TFG: variants seen among roughly 807,000 people sequenced by gnomAD.
TFG encodes the protein protein TFG.
TFG carries 22 observed loss-of-function variants against 51.4 expected under a neutral mutation model. That is an observed-to-expected ratio of 0.43 (90% CI 0.31 to 0.61). The LOEUF (loss-of-function observed/expected upper bound fraction) is 0.61. Among genes scored for constraint, TFG ranks in the 20% least tolerant of loss-of-function variants. The pLI is 0.12. For missense variants in TFG, 419 were observed against 487.7 expected, an observed-to-expected ratio of 0.86 and a Z score of 1.33; for synonymous variants, 187 against 165.6, an observed-to-expected ratio of 1.13 and a Z score of -0.99.
chr3:100,729,774 G>A (rs1576367309), intron 4 of TFG, among the ~76,000 whole-genome samples: 2 of 152,130 alleles, frequency 1.3e-5, no homozygotes, highest in African/African-American at 4.8e-5. Context: ...TATTTTGGAA[G>A]TTTTTGTTTT....
At chr3:100,747,948 A>ACTCT (rs542402905) in intron 7 of TFG, among the ~76,000 whole-genome samples, 177 of 152,122 alleles carry the variant, frequency 1.2e-3, no homozygotes, top group Non-Finnish European at 2.2e-3. Context: ...TGTCTTAGAG[A>ACTCT]GTTTAAAAAA....
intron 3 of TFG, among the ~76,000 whole-genome samples, chr3:100,725,711 T>A (rs1472818926): frequency 6.6e-6 from 1 of 151,162 alleles, no homozygotes; most frequent in Non-Finnish European, 1.5e-5. Flanking sequence ...TGAGAATTGC[T>A]GAACCTGGGA....
intron 2 of TFG, among the ~76,000 whole-genome samples, chr3:100,717,548 A>G (rs1472571615): frequency 6.7e-6 from 1 of 149,396 alleles, no homozygotes; most frequent in East Asian, 1.9e-4. Context: ...ATGTCATTAC[A>G]TATGTATGCT....
intron 1 of TFG, among the ~76,000 whole-genome samples, chr3:100,713,350 G>A (rs1415255269): frequency 6.6e-6 from 1 of 152,168 alleles, no homozygotes; most frequent in Non-Finnish European, 1.5e-5. Context: ...AGGAGAGGCA[G>A]GTTTTAGGTG....
intron 2 of TFG, 146 bp from the exon 3 acceptor site, chr3:100,719,829 C>A (rs2095055852): frequency 3.9e-6 from 2 of 518,028 alleles, no homozygotes. Flanking sequence ...TTTTGCTAGA[C>A]CTTTAAAGTT....
intron 1 of TFG, chr3:100,710,009 C>G (rs1172728293): frequency 2.6e-5 from 4 of 151,880 alleles, no homozygotes; most frequent in Non-Finnish European, 5.9e-5. Context: ...GCCTGGGGGG[C>G]TCCGGGAGGG....
intron 3 of TFG, among the ~76,000 whole-genome samples, chr3:100,727,511 A>G (rs2095079372): frequency 6.6e-6 from 1 of 152,200 alleles, no homozygotes; most frequent in Non-Finnish European, 1.5e-5. Flanking sequence ...TATACTGGCA[A>G]TGTGCAAAGC....
At chr3:100,719,953 C>CTT (rs760798289) in intron 2 of TFG, 22 bp from the exon 3 acceptor site, 91 of 1,158,752 alleles carry the variant, frequency 7.9e-5, no homozygotes, top group South Asian at 1.6e-4. Flanking sequence ...AAAAAACAAC[C>CTT]TTTTTTTTTT....
upstream of TFG, chr3:100,709,396 A>C (rs1020168115): frequency 1.3e-5 from 2 of 152,608 alleles, no homozygotes; most frequent in South Asian, 2.1e-4. Flanking sequence ...GGACCCAGCC[A>C]GCCCTGCGCC....
intron 3 of TFG, 104 bp from the exon 4 acceptor site, chr3:100,728,608 T>G: frequency 3.0e-6 from 3 of 989,890 alleles, no homozygotes; most frequent in African/African-American, 1.7e-5. Flanking sequence ...GATATCTTGT[T>G]TTTGTTTTTT....
chr3:100,718,473 A>C (rs1368242634), intron 2 of TFG, among the ~76,000 whole-genome samples: 1 of 151,280 alleles, frequency 6.6e-6, no homozygotes, highest in Non-Finnish European at 1.5e-5. Flanking sequence ...CGTTGGTCAC[A>C]GTTCATGGAC....
chr3:100,729,385 C>A (rs1232047091), intron 4 of TFG, among the ~76,000 whole-genome samples: 1 of 152,052 alleles, frequency 6.6e-6, no homozygotes, highest in Admixed American at 6.5e-5. Flanking sequence ...CTAATTTTTT[C>A]CCCATTGTAT....
Position 100,728,735 on chromosome 3 carries a change from G to C in TFG, c.292G>C (p.Glu98Gln). The change falls in exon 4 of 8, where the codon GAA becomes CAA. Residue 98 changes from glutamate (E) to glutamine (Q), a missense_variant. By Grantham distance (29) the Glu-to-Gln change is conservative. Transcript: ENST00000240851. ...LFVNGQPRPL[E>Q]SSQVKYLRRE... ...AGTTAATGGCCAGCCAAGACCCCTT[G>C]AATCAAGTCAGGTGAAATATCTCCG... The C allele has an allele frequency of 2.5e-6, 4 of 1,608,610 alleles. No homozygotes were observed. The highest frequency in any genetic ancestry group is 3.4e-6 in the Non-Finnish European group (4 of 1,177,762).
At chr3:100,731,260 TTTTG>T (rs1197100559) in intron 4 of TFG, among the ~76,000 whole-genome samples, 1 of 152,176 alleles carries the variant, frequency 6.6e-6, no homozygotes, top group African/African-American at 2.4e-5. Flanking sequence ...TGTTCGTGTT[TTTTG>T]TTTGTTTCTT....
At chr3:100,724,715 C>T (rs189597535) in intron 3 of TFG, among the ~76,000 whole-genome samples, 20 of 152,292 alleles carry the variant, frequency 1.3e-4, no homozygotes, top group Admixed American at 5.2e-4. Flanking sequence ...AAATCAAACT[C>T]ATCAGTGAAT....
At chr3:100,741,505 TAAA>T (rs1311735430) in intron 6 of TFG, among the ~76,000 whole-genome samples, 5 of 152,184 alleles carry the variant, frequency 3.3e-5, no homozygotes, top group Admixed American at 2.6e-4. Context: ...GCTAAAGTAT[TAAA>T]AAAGTTAAAA....
intron 3 of TFG, among the ~76,000 whole-genome samples, chr3:100,720,691 G>C (rs2095058288): frequency 1.3e-5 from 2 of 152,142 alleles, no homozygotes; most frequent in Admixed American, 1.3e-4. Flanking sequence ...ACTGGGTTGG[G>C]GACCCTTGCT....
intron 4 of TFG, among the ~76,000 whole-genome samples, chr3:100,732,041 G>C (rs1001005465): frequency 6.6e-6 from 1 of 152,124 alleles, no homozygotes; most frequent in Non-Finnish European, 1.5e-5. Flanking sequence ...TAGTGGACCA[G>C]TAGACAGTAG....
intron 5 of TFG, among the ~76,000 whole-genome samples, chr3:100,733,357 A>G (rs575407088): frequency 1.3e-5 from 2 of 152,032 alleles, no homozygotes; most frequent in Non-Finnish European, 2.9e-5. Flanking sequence ...GTGATTTCTA[A>G]TATGCTGTGG....
Sources: gnomAD v4.1 joint callset for allele counts (sites outside exome capture counted in the v4.1 genomes callset) on GRCh38, gnomAD v4.1.1 for gene constraint, MANE v1.5 for transcripts, NCBI Gene and HGNC (gene_info 2026-07-23, HGNC 2026-07-21) for gene names.